Variants in TRA2A observed in about 807,000 individuals in gnomAD.
TRA2A encodes transformer-2 protein homolog alpha.
Under a neutral mutation model 45.7 loss-of-function variants are expected in TRA2A, and 31 were observed. The observed-to-expected ratio is 0.68, with a 90% CI of 0.51 to 0.92. The LOEUF (loss-of-function observed/expected upper bound fraction) is 0.92, where lower values mean the gene tolerates loss of function less well. TRA2A is among the 40% of genes least tolerant of loss of function. The pLI, the probability that TRA2A is intolerant of heterozygous loss-of-function variation, is 0.00. For synonymous variants in TRA2A, 132 were observed against 126.2 expected, an observed-to-expected ratio of 1.05 and a Z score of -0.31; for missense variants, 304 against 367.5, an observed-to-expected ratio of 0.83 and a Z score of 1.41.
At chr7:23,515,853 C>T (rs879328717) in intron 3 of TRA2A, among the ~76,000 whole-genome samples, 16 of 151,258 alleles carry the variant, frequency 1.1e-4, no homozygotes, top group Non-Finnish European at 2.1e-4. Flanking sequence ...GCCTTCATGT[C>T]CTTTTTACTC....
chr7:23,513,699 C>T (rs1420128894), intron 3 of TRA2A, among the ~76,000 whole-genome samples: 2 of 151,676 alleles, frequency 1.3e-5, no homozygotes, highest in South Asian at 2.1e-4. Context: ...AGAAAGGGTA[C>T]GCTTGTCAGC....
rs563056231 is a variant in TRA2A, at chr7:23,517,706, G to A, written c.171-1178C>T. 1.8e-3 allele frequency among the ~76,000 whole-genome samples: 270 copies of A among 151,244 alleles called. 1 individual carries two copies. Among genetic ancestry groups the A allele is most frequent in the Non-Finnish European group, 2.6e-3 (179 of 67,818 alleles). On this transcript the variant is annotated intron_variant, in intron 2 of 7. Coordinates refer to ENST00000297071, the MANE Select transcript of TRA2A (RefSeq NM_013293.5). ...AGGCAGGCAGATTACGAGGTCAAGA[G>A]ATCGAGACCATCCTCGCCAACATGG...
intron 1 of TRA2A, among the ~76,000 whole-genome samples, chr7:23,523,720 A>T (rs1790229281): frequency 6.6e-6 from 1 of 152,194 alleles, no homozygotes; most frequent in African/African-American, 2.4e-5. Flanking sequence ...AAACCACTCA[A>T]CAGATGTCTG....
At chr7:23,516,558 A>G (rs375190197) in intron 2 of TRA2A, 30 bp from the exon 3 acceptor site, 1 of 1,608,134 alleles carries the variant, frequency 6.2e-7, no homozygotes, top group Non-Finnish European at 8.5e-7. Flanking sequence ...AGGTAAAAAT[A>G]CTGAAACAAA....
At chr7:23,527,367 A>G (rs1047048393) in intron 1 of TRA2A, among the ~76,000 whole-genome samples, 13 of 152,100 alleles carry the variant, frequency 8.5e-5, no homozygotes, top group Non-Finnish European at 1.6e-4. Flanking sequence ...AGTGTATACA[A>G]TCTTTCCCTC....
At chr7:23,512,775 A>T in intron 4 of TRA2A, 119 bp downstream of exon 4, 5 of 636,390 alleles carry the variant, frequency 7.9e-6, no homozygotes, top group South Asian at 7.1e-5. Flanking sequence ...CCTATCTTTA[A>T]AAAAAAAAAA....
At chr7:23,511,406 A>AAAAAG (rs769835480) in intron 4 of TRA2A, among the ~76,000 whole-genome samples, 524 of 49,966 alleles carry the variant, frequency 0.01, 4 homozygotes, top group South Asian at 0.023. Flanking sequence ...AAAAAAAAAA[A>AAAAAG]AAAAGAAAAG....
At chr7:23,511,690 C>T (rs892322657) in intron 4 of TRA2A, among the ~76,000 whole-genome samples, 1 of 151,948 alleles carries the variant, frequency 6.6e-6, no homozygotes, top group Non-Finnish European at 1.5e-5. Flanking sequence ...TGTTCCGAGA[C>T]CAGCCTAAGC....
intron 2 of TRA2A, among the ~76,000 whole-genome samples, chr7:23,518,677 T>A (rs1032209229): frequency 1.3e-5 from 1 of 75,106 alleles, no homozygotes. Context: ...CATTTCTTGT[T>A]TTTTTTTTTT....
In TRA2A at chr7:23,531,723, G is replaced by A. The variant is rs375080604; in HGVS notation, c.36+66C>T. 44 of 1,588,062 alleles carry A rather than the reference G, an allele frequency of 2.8e-5. No individual in the cohort carries two copies. The African/African-American group carries it at 3.8e-4, about 14-fold the overall frequency. ...ACTACCCGCAACCCCGCCCGACCGCGCTTGTTCCCGTGAAACCCCGAGCAT... is the reference window on the plus strand; with the variant it reads ...ACTACCCGCAACCCCGCCCGACCGCACTTGTTCCCGTGAAACCCCGAGCAT... On this transcript the variant is annotated intron_variant, in intron 1 of 7. Coordinates refer to ENST00000297071, the MANE Select transcript of TRA2A (RefSeq NM_013293.5).
At chr7:23,522,037 C>T in intron 1 of TRA2A, 197 bp from the exon 2 acceptor site, 1 of 1,395,794 alleles carries the variant, frequency 7.2e-7, no homozygotes, top group South Asian at 1.6e-5. Flanking sequence ...CTACTTGAAC[C>T]AGATCACCAA....
At chr7:23,531,401 C>A (rs949344197) in intron 1 of TRA2A, 1 of 306,580 alleles carries the variant, frequency 3.3e-6, no homozygotes, top group Non-Finnish European at 5.3e-6. Context: ...GAAATGCCAC[C>A]GCAGGAAGCA....
At chr7:23,516,787 A>AC (rs1314680871) in intron 2 of TRA2A, among the ~76,000 whole-genome samples, 4 of 151,986 alleles carry the variant, frequency 2.6e-5, no homozygotes, top group Non-Finnish European at 5.9e-5. Context: ...CAAAAAAAAA[A>AC]CAAAAAACAA....
Position 23,507,549 on chromosome 7 carries a change from G to C in TRA2A, c.526-14C>G, listed in dbSNP as rs1789399541. The C allele has an allele frequency of 6.3e-7, 1 of 1,579,794 alleles. No individual in the cohort carries two copies. The highest frequency in any genetic ancestry group is 1.3e-5 in the African/African-American group (1 of 74,170). On this transcript the variant is annotated splice_polypyrimidine_tract_variant and intron_variant, in intron 4 of 7. Transcript: ENST00000297071. ...CCTTTCCATAGCCTATAAAGAACAGGCACAAAAAGTCACGTATAATTCACC... is the reference window on the plus strand; with the variant it reads ...CCTTTCCATAGCCTATAAAGAACAGCCACAAAAAGTCACGTATAATTCACC...
chr7:23,523,886 CTT>C lies in TRA2A; in HGVS notation c.37-2048_37-2047del, dbSNP rs377360744. On this transcript the variant is annotated intron_variant, in intron 1 of 7. Transcript: ENST00000297071. ...TCATAAGAGTATCTTCCCCTCTTCT[CTT>C]TTGGCTTTCCTTTCCACAAAACAGA... Among the ~76,000 whole-genome samples, 506 of 152,332 alleles carry C rather than the reference CTT, an allele frequency of 3.3e-3. 2 individuals are homozygous for C. The highest frequency in any genetic ancestry group is 0.012 in the African/African-American group (489 of 41,578).
At chr7:23,530,717 G>A (rs999486460) in intron 1 of TRA2A, among the ~76,000 whole-genome samples, 11 of 152,176 alleles carry the variant, frequency 7.2e-5, no homozygotes, top group African/African-American at 2.6e-4. Flanking sequence ...GTATTTCTCC[G>A]ACCCCAAATA....
chr7:23,529,079 TAAG>T (rs996119868), intron 1 of TRA2A, among the ~76,000 whole-genome samples: 1 of 152,218 alleles, frequency 6.6e-6, no homozygotes, highest in Non-Finnish European at 1.5e-5. Flanking sequence ...TGTAAAATGT[TAAG>T]AAAAGATTTC....
chr7:23,528,440 T>C (rs2128001041), intron 1 of TRA2A, among the ~76,000 whole-genome samples: 1 of 152,228 alleles, frequency 6.6e-6, no homozygotes, highest in African/African-American at 2.4e-5. Flanking sequence ...TCTCTTGACC[T>C]TGTGATCCGC....
intron 1 of TRA2A, chr7:23,522,373 A>G: frequency 7.9e-7 from 1 of 1,266,860 alleles, no homozygotes; most frequent in South Asian, 1.4e-5. Flanking sequence ...GCCTTCTTTT[A>G]TCTTGATTTA....
Sources: allele counts gnomAD v4.1 joint callset (sites outside exome capture counted in the v4.1 genomes callset), GRCh38; gene constraint gnomAD v4.1.1; transcripts MANE v1.5; gene names NCBI Gene and HGNC (gene_info 2026-07-23, HGNC 2026-07-21).